The following ANKAR variants were observed in gnomAD, a reference collection of about 807,000 sequenced individuals.
ANKAR encodes ankyrin and armadillo repeat-containing protein.
ANKAR carries 136 observed loss-of-function variants against 146.2 expected under a neutral mutation model. The ratio of observed to expected loss-of-function variants is 0.93; its 90% CI spans 0.81 to 1.07. The LOEUF (loss-of-function observed/expected upper bound fraction) is 1.07. Ranked by LOEUF, ANKAR falls within the 50% of genes least tolerant of loss-of-function variation. The pLI, the probability that ANKAR is intolerant of heterozygous loss-of-function variation, is 0.00. For synonymous variants in ANKAR, 500 were observed against 575.8 expected, an observed-to-expected ratio of 0.87 and a Z score of 1.88; for missense variants, 1,567 against 1,679.9, an observed-to-expected ratio of 0.93 and a Z score of 1.18.
intron 8 of ANKAR, among the ~76,000 whole-genome samples, chr2:189,706,175 C>G (rs557089228): frequency 9.9e-5 from 15 of 152,016 alleles, no homozygotes; most frequent in Admixed American, 3.3e-4. Flanking sequence ...GCAGGCAGAT[C>G]ACTTGAGGTC....
At chr2:189,755,620 T>C (rs766489407) in intron 18 of ANKAR, 147 of 1,514,538 alleles carry the variant, frequency 9.7e-5, no homozygotes, top group Non-Finnish European at 1.2e-4. Flanking sequence ...AGAAAAATGA[T>C]ATTACAGCTA....
rs753805105 is a variant in ANKAR, at chr2:189,695,153, A to G, written c.1480A>G (p.Lys494Glu). 1 of 1,603,180 alleles carries G rather than the reference A, an allele frequency of 6.2e-7. No homozygotes were observed. The highest frequency in any genetic ancestry group is 1.1e-5 in the South Asian group (1 of 89,602). ...KKKLGFKRAM[K>E]CKSIPFGMKS... ...AAAGCTTGGTTTCAAAAGAGCTATG[A>G]AATGCAAGGTATTTCAGTGACTACC... Residue 494 changes from lysine to glutamate, a missense_variant, in exon 6 of 23, where the codon AAA becomes GAA. By Grantham distance (56) the Lys-to-Glu change is moderately conservative. Transcript: ENST00000684021.
chr2:189,751,440 T>C (rs562148670), downstream of ANKAR, among the ~76,000 whole-genome samples: 7 of 145,358 alleles, frequency 4.8e-5, no homozygotes, highest in South Asian at 1.3e-3. Flanking sequence ...TGCTGACAAG[T>C]TGTGTTTTTT....
chr2:189,744,691 G>T, intron 21 of ANKAR, 51 bp from the exon 22 acceptor site: 1 of 1,322,230 alleles, frequency 7.6e-7, no homozygotes. Flanking sequence ...TATTTTTTCT[G>T]GGTGCATTAT....
chr2:189,694,360 T>A (rs1185684025), intron 5 of ANKAR, among the ~76,000 whole-genome samples: 1 of 152,152 alleles, frequency 6.6e-6, no homozygotes, highest in African/African-American at 2.4e-5. Flanking sequence ...AATCCGGGCA[T>A]GGGAAGGGTA....
At chr2:189,736,048 G>A (rs569149254) in intron 17 of ANKAR, among the ~76,000 whole-genome samples, 248 of 152,292 alleles carry the variant, frequency 1.6e-3, no homozygotes, top group Non-Finnish European at 2.8e-3. Flanking sequence ...TGACATTGGG[G>A]AAGAAAAGTA....
Position 189,699,663 on chromosome 2 carries a change from T to G in ANKAR, c.1708+3294T>G, listed in dbSNP as rs2037768957. Among the ~76,000 whole-genome samples, 6 of 152,188 alleles carry G rather than the reference T, an allele frequency of 3.9e-5. No homozygotes were observed. In the South Asian group the frequency reaches 1.2e-3, roughly 32 times the overall value. ...AACCCTTTGTTGATAATGTTATTAT[T>G]TATTTACTTATTTTGAGATGGAATC... On this transcript the variant is annotated intron_variant, in intron 7 of 22. Transcript: ENST00000684021.
intron 7 of ANKAR, among the ~76,000 whole-genome samples, chr2:189,701,162 G>GT (rs1313477662): frequency 6.6e-6 from 1 of 152,036 alleles, no homozygotes; most frequent in Non-Finnish European, 1.5e-5. Context: ...AATCATTATT[G>GT]TTTTAAATAT....
rs1419271284 is a variant in ANKAR, at chr2:189,741,326, C to T, written c.3701-16C>T. 6.4e-7 allele frequency: 1 copy of T among 1,553,564 alleles called. No homozygotes were observed. Among genetic ancestry groups the T allele is most frequent in the Admixed American group, 2.0e-5 (1 of 50,966 alleles). On this transcript the variant is annotated splice_polypyrimidine_tract_variant and intron_variant, in intron 19 of 22. Transcript: ENST00000684021. ...TCAATTAAATAACACAAGCATTTTT[C>T]TTGTTTAATTTATAGGGAATTTAAT...
rs764722539 is a variant in ANKAR, at chr2:189,707,046, T to A, written c.2019T>A (p.Asn673Lys). 5.0e-6 allele frequency: 8 copies of A among 1,612,174 alleles called. 1 individual carries two copies. In the South Asian group the frequency reaches 7.7e-5, roughly 16 times the overall value. The change falls in exon 9 of 23, where the codon AAT (asparagine) becomes AAA (lysine). Residue 673 changes from asparagine (N) to lysine (K), a missense_variant. Asn to Lys is a moderately conservative substitution (Grantham distance 94). Transcript: ENST00000684021. ...GGAGAAAAACAGATATTAAAGGAAATAATATAATCCATTTATCAGTGTTAA... is the reference window on the plus strand; with the variant it reads ...GGAGAAAAACAGATATTAAAGGAAAAAATATAATCCATTTATCAGTGTTAA... ...ANWRKTDIKG[N>K]NIIHLSVLTF...
chr2:189,677,196 C>T, intron 2 of ANKAR, 105 bp downstream of exon 2: 1 of 1,149,578 alleles, frequency 8.7e-7, no homozygotes, highest in South Asian at 2.0e-5. Context: ...AGCCATTCAC[C>T]CACCTAGGCC....
intron 8 of ANKAR, among the ~76,000 whole-genome samples, 191 bp downstream of exon 8, chr2:189,705,415 A>G (rs941008698): frequency 1.9e-4 from 29 of 152,240 alleles, no homozygotes; most frequent in African/African-American, 6.5e-4. Context: ...CTTTCTACTC[A>G]CTGTCTCGTC....
chr2:189,712,900 T>C (rs2039900491), intron 10 of ANKAR, among the ~76,000 whole-genome samples: 1 of 152,026 alleles, frequency 6.6e-6, no homozygotes, highest in Admixed American at 6.6e-5. Flanking sequence ...AATGGCTAAC[T>C]AGAATAAACA....
At chr2:189,753,809 G>T in intron 18 of ANKAR, 1 of 1,181,774 alleles carries the variant, frequency 8.5e-7, no homozygotes, top group Non-Finnish European at 1.2e-6. Context: ...GTCAGGGCTA[G>T]CATAAGGCAT....
At position 189,728,067 on chromosome 2, in the gene ANKAR, G is replaced by C; in HGVS notation, c.2847G>C (p.Ser949=). The C allele has an allele frequency of 6.2e-7, 1 of 1,612,848 alleles. No homozygotes were observed. Among genetic ancestry groups the C allele is most frequent in the Non-Finnish European group, 8.5e-7 (1 of 1,179,334 alleles). The change falls in exon 13 of 23, where the codon TCG becomes TCC. Residue 949 remains serine (S), a synonymous_variant. Transcript: ENST00000684021. ...ALIQKAFLEK[S]LTKYLLKLLK... ...TACAGAAAGCATTTCTGGAAAAATC[G>C]TTAACTAAATATCTTTTAAAACTCC...
intron 2 of ANKAR, among the ~76,000 whole-genome samples, chr2:189,684,251 C>T (rs897153507): frequency 2.5e-5 from 3 of 117,904 alleles, no homozygotes; most frequent in Non-Finnish European, 5.2e-5. Context: ...TCTGGAATGC[C>T]TTCTTCCTGT....
intron 17 of ANKAR, among the ~76,000 whole-genome samples, chr2:189,736,264 A>G (rs1276687632): frequency 2.6e-5 from 4 of 152,184 alleles, no homozygotes; most frequent in South Asian, 2.1e-4. Flanking sequence ...TGAACCCTAC[A>G]TGGAAAAGAA....
At chr2:189,762,794 TC>T (rs137858592), downstream of ANKAR, 1,034 of 985,510 alleles carry the variant, frequency 1.0e-3, 7 homozygotes, top group African/African-American at 0.016. Context: ...GGAAGTGATG[TC>T]ATCGGAACTG....
At chr2:189,730,431 A>G in intron 15 of ANKAR, 64 bp from the exon 16 acceptor site, 5 of 983,374 alleles carry the variant, frequency 5.1e-6, no homozygotes, top group South Asian at 1.7e-5. Context: ...ATATCAAGCT[A>G]TGTTTGACTT....
Sources: gnomAD v4.1 joint callset for allele counts (sites outside exome capture counted in the v4.1 genomes callset) on GRCh38, gnomAD v4.1.1 for gene constraint, MANE v1.5 for transcripts, NCBI Gene and HGNC (gene_info 2026-07-23, HGNC 2026-07-21) for gene names.